Variants in RALGPS2 observed in about 807,000 individuals in gnomAD.
RALGPS2 encodes ras-specific guanine nucleotide-releasing factor RalGPS2.
In RALGPS2, 43 loss-of-function variants were observed where a neutral mutation model predicts 86.8. The observed-to-expected ratio is 0.50, with a 90% CI of 0.39 to 0.64. The LOEUF (loss-of-function observed/expected upper bound fraction) is 0.64. RALGPS2 is among the 30% of genes least tolerant of loss of function. The pLI is 0.00. For missense variants in RALGPS2, 536 were observed against 694.6 expected, an observed-to-expected ratio of 0.77 and a Z score of 2.57; for synonymous variants, 243 against 231.3, an observed-to-expected ratio of 1.05 and a Z score of -0.46.
chr1:178,770,861 G>A (rs1277539533), intron 1 of RALGPS2, among the ~76,000 whole-genome samples: 6 of 140,100 alleles, frequency 4.3e-5, no homozygotes, highest in Admixed American at 7.2e-5. Context: ...TTTTTGAGAC[G>A]GAGTTTTGCT....
At chr1:178,784,911 A>G (rs1653575767) in intron 3 of RALGPS2, among the ~76,000 whole-genome samples, 1 of 152,066 alleles carries the variant, frequency 6.6e-6, no homozygotes, top group Non-Finnish European at 1.5e-5. Context: ...ATTAGATGAA[A>G]GGTATCTAGA....
chr1:178,732,293 T>TTTTATTTATTTATTTATTTATTTATTTA (rs60426564), intron 1 of RALGPS2, among the ~76,000 whole-genome samples: 1 of 150,122 alleles, frequency 6.7e-6, no homozygotes, highest in African/African-American at 2.5e-5. Context: ...TCCTGATTTA[T>TTTTATTTATTTATTTATTTATTTATTTA]TTTATTTATT....
At chr1:178,731,272 G>GTGTTTT (rs1650333349) in intron 1 of RALGPS2, among the ~76,000 whole-genome samples, 1 of 57,946 alleles carries the variant, frequency 1.7e-5, no homozygotes, top group African/African-American at 6.7e-5. Context: ...AGTTGTTTTG[G>GTGTTTT]TTTTTTTTTT....
intron 1 of RALGPS2, among the ~76,000 whole-genome samples, chr1:178,755,095 C>T (rs555695497): frequency 3.3e-5 from 5 of 152,294 alleles, no homozygotes; most frequent in East Asian, 1.9e-4. Context: ...CCAAAGTGCC[C>T]GGCCAGTTCA....
chr1:178,753,275 A>G (rs1009246575), intron 1 of RALGPS2, among the ~76,000 whole-genome samples: 9 of 152,194 alleles, frequency 5.9e-5, no homozygotes, highest in Admixed American at 2.6e-4. Flanking sequence ...CATTTGAAAG[A>G]TACAACACTT....
At position 178,918,249 on chromosome 1, in the gene RALGPS2, A is replaced by G. The variant is rs1203456214; in HGVS notation, c.*1890A>G. On this transcript the variant is annotated 3_prime_UTR_variant, in exon 20 of 20. Transcript: ENST00000367635. Reference sequence around the variant, plus strand: ...TGGGTAATAGAAAGACATAGCCAGCAGTATTACTACGTAGACCTTGCACAT... The same window carrying G: ...TGGGTAATAGAAAGACATAGCCAGCGGTATTACTACGTAGACCTTGCACAT... 1.3e-5 allele frequency: 2 copies of G among 152,198 alleles called. No individual in the cohort carries two copies. The highest frequency in any genetic ancestry group is 3.8e-4 in the East Asian group (2 of 5,206). 9.4% of individuals were successfully genotyped at this position (152,198 alleles called of 1,614,324 possible).
chr1:178,853,465 A>T (rs988296316), intron 8 of RALGPS2: 58 of 841,244 alleles, frequency 6.9e-5, no homozygotes, highest in Admixed American at 3.2e-4. Flanking sequence ...TGACAGATGT[A>T]GATAATGAAA....
intron 4 of RALGPS2, among the ~76,000 whole-genome samples, chr1:178,805,883 A>G (rs1169822268): frequency 6.6e-6 from 1 of 152,042 alleles, no homozygotes; most frequent in Admixed American, 6.6e-5. Context: ...TCCATCACTA[A>G]ATTTCTGCCA....
chr1:178,886,164 A>G (rs754435806), intron 13 of RALGPS2, 44 bp downstream of exon 13: 1 of 1,575,708 alleles, frequency 6.3e-7, no homozygotes, highest in East Asian at 2.3e-5. Context: ...AACTTTAAAT[A>G]AAAATGTTAA....
chr1:178,920,354 G>A lies in RALGPS2; in HGVS notation c.*3995G>A, dbSNP rs1273977666. 1 of 151,908 alleles carries A rather than the reference G, an allele frequency of 6.6e-6. No individual in the cohort carries two copies. Among genetic ancestry groups the A allele is most frequent in the Admixed American group, 6.6e-5 (1 of 15,248 alleles). The allele number at this position is 151,908 out of a possible 1,614,324, so 9.4% of individuals were successfully genotyped here. ...TTACACCTATGTTTCAGGTTATAGT[G>A]GGGAGAAAATTTGGTCAGTGCCTTA... is the stretch of plus-strand genomic sequence containing the variant. On this transcript the variant is annotated 3_prime_UTR_variant, in exon 20 of 20. Coordinates refer to ENST00000367635, the MANE Select transcript of RALGPS2 (RefSeq NM_152663.5).
chr1:178,851,069 C>T, intron 8 of RALGPS2: 2 of 1,469,024 alleles, frequency 1.4e-6, no homozygotes, highest in Non-Finnish European at 1.8e-6. Flanking sequence ...GTAACATTTA[C>T]ATTTTTAAGA....
At chr1:178,831,238 A>AGCCATACCAG (rs1656003973) in intron 7 of RALGPS2, among the ~76,000 whole-genome samples, 1 of 152,226 alleles carries the variant, frequency 6.6e-6, no homozygotes, top group South Asian at 2.1e-4. Flanking sequence ...CATTTAACAA[A>AGCCATACCAG]GCCATACCAG....
chr1:178,788,510 T>C (rs1653778606), intron 4 of RALGPS2, among the ~76,000 whole-genome samples: 2 of 152,278 alleles, frequency 1.3e-5, no homozygotes, highest in South Asian at 4.1e-4. Context: ...AAGACCTTAC[T>C]GAGAAGATGA....
intron 1 of RALGPS2, among the ~76,000 whole-genome samples, chr1:178,773,012 G>A (rs757054291): frequency 1.7e-4 from 26 of 152,024 alleles, no homozygotes; most frequent in Non-Finnish European, 2.9e-4. Context: ...CATGTTGGCC[G>A]GCTGGTCTCG....
At position 178,843,689 on chromosome 1, in the gene RALGPS2, G is replaced by GA. The variant is rs1030899772; in HGVS notation, c.607+10148dup. 3.4e-4 allele frequency among the ~76,000 whole-genome samples: 50 copies of GA among 147,030 alleles called. 1 individual carries two copies. The East Asian group carries it at 4.0e-3, about 12-fold the overall frequency. On this transcript the variant is annotated intron_variant, in intron 8 of 19. Coordinates refer to ENST00000367635, the MANE Select transcript of RALGPS2 (RefSeq NM_152663.5). Reference sequence around the variant, plus strand: ...AAAAGAAAGAAAGAAACCAAAAAGGGAAAAAAAAACAGAAGGAAATTAAGA... The same window carrying GA: ...AAAAGAAAGAAAGAAACCAAAAAGGGAAAAAAAAAACAGAAGGAAATTAAGA...
In RALGPS2 at chr1:178,858,347, A is replaced by G. The variant is rs140882054; in HGVS notation, c.608-19151A>G. 6.0e-3 allele frequency among the ~76,000 whole-genome samples: 908 copies of G among 152,252 alleles called. 15 individuals are homozygous for G. The highest frequency in any genetic ancestry group is 0.021 in the African/African-American group (880 of 41,558). ...ATGTTTTCACTGCTTTTTCTGTACC[A>G]TAAAGAACATTGCTTGAAAGAAATT... On this transcript the variant is annotated intron_variant, in intron 8 of 19. Coordinates refer to ENST00000367635, the MANE Select transcript of RALGPS2 (RefSeq NM_152663.5).
intron 4 of RALGPS2, among the ~76,000 whole-genome samples, chr1:178,799,410 A>AAG (rs1304563929): frequency 6.6e-6 from 1 of 152,036 alleles, no homozygotes; most frequent in African/African-American, 2.4e-5. Context: ...ATTAGCAAGG[A>AAG]AGAGAGGCAA....
intron 17 of RALGPS2, among the ~76,000 whole-genome samples, chr1:178,899,290 A>G (rs1660065630): frequency 6.6e-6 from 1 of 151,832 alleles, no homozygotes; most frequent in South Asian, 2.1e-4. Flanking sequence ...AATGTTTGGA[A>G]ATTAAAGCAT....
chr1:178,843,455 A>C (rs1165418331), intron 8 of RALGPS2, among the ~76,000 whole-genome samples: 5 of 140,662 alleles, frequency 3.6e-5, no homozygotes, highest in Non-Finnish European at 6.3e-5. Context: ...CTGAACAATG[A>C]GATCACATGG....
Sources: allele counts gnomAD v4.1 joint callset (sites outside exome capture counted in the v4.1 genomes callset), GRCh38; gene constraint gnomAD v4.1.1; transcripts MANE v1.5; gene names NCBI Gene and HGNC (gene_info 2026-07-23, HGNC 2026-07-21).